The following RPGRIP1 variants were observed in gnomAD, a reference collection of about 807,000 sequenced individuals.
RPGRIP1 encodes X-linked retinitis pigmentosa GTPase regulator-interacting protein 1.
In RPGRIP1, 128 loss-of-function variants were observed where a neutral mutation model predicts 157.9. The ratio of observed to expected loss-of-function variants is 0.81; its 90% confidence interval spans 0.70 to 0.94. The LOEUF (loss-of-function observed/expected upper bound fraction) is 0.94, where lower values mean the gene tolerates loss of function less well. RPGRIP1 is among the 40% of genes least tolerant of loss of function. The pLI, the probability that RPGRIP1 is intolerant of heterozygous loss-of-function variation, is 0.00. For missense variants in RPGRIP1, 1,486 were observed against 1,545.8 expected (o/e 0.96, Z 0.65); for synonymous variants, 554 against 571.6 (o/e 0.97, Z 0.44).
chr14:21,321,855 AGGAACTGGAG>A lies in RPGRIP1; in HGVS notation c.1615_1624del (p.Glu539GlnfsTer2), dbSNP rs1420750126. On this transcript the variant is annotated frameshift_variant and splice_region_variant, in exon 14 of 25. Coordinates refer to ENST00000400017, the MANE Select transcript of RPGRIP1 (RefSeq NM_020366.4). LOFTEE classifies it high-confidence loss of function. ...AGTTCAGACATTATTTTGTTTCAGG[AGGAACTGGAG>A]GCAATGATGACAAAAGCTGACAATG... 1.4e-5 allele frequency: 22 copies of A among 1,609,648 alleles called. No individual in the cohort carries two copies. The highest frequency in any genetic ancestry group is 9.3e-6 in the Non-Finnish European group (11 of 1,178,600).
intron 3 of RPGRIP1, among the ~76,000 whole-genome samples, chr14:21,299,440 C>T (rs1224434136): frequency 6.6e-6 from 1 of 151,936 alleles, no homozygotes; most frequent in Non-Finnish European, 1.5e-5. Flanking sequence ...AATGGTTAAT[C>T]TGGATTCTAT....
intron 3 of RPGRIP1, among the ~76,000 whole-genome samples, chr14:21,295,943 T>G (rs1272160822): frequency 2.6e-5 from 4 of 151,366 alleles, no homozygotes; most frequent in African/African-American, 9.7e-5. Flanking sequence ...AGTAATTTTT[T>G]TTGTTGTTTT....
At chr14:21,320,275 A>C in intron 12 of RPGRIP1, 98 bp downstream of exon 12, 1 of 1,152,840 alleles carries the variant, frequency 8.7e-7, no homozygotes, top group Non-Finnish European at 1.2e-6. Flanking sequence ...ACTAAATAAT[A>C]TTTTGTCCTG....
At chr14:21,348,653 T>C (rs1307553156) in intron 24 of RPGRIP1, among the ~76,000 whole-genome samples, 2 of 148,438 alleles carry the variant, frequency 1.3e-5, no homozygotes, top group Non-Finnish European at 1.5e-5. Context: ...TATGTTATCA[T>C]GCATCCAGTC....
intron 6 of RPGRIP1, among the ~76,000 whole-genome samples, chr14:21,304,630 G>A (rs1881218367): frequency 6.6e-6 from 1 of 151,942 alleles, no homozygotes; most frequent in African/African-American, 2.4e-5. Flanking sequence ...AAATTAAGCA[G>A]GAAATAGAGT....
intron 12 of RPGRIP1, among the ~76,000 whole-genome samples, chr14:21,320,665 T>C (rs1304254605): frequency 6.8e-6 from 1 of 146,772 alleles, no homozygotes; most frequent in African/African-American, 2.6e-5. Context: ...AATGGCGCGA[T>C]CTCGGCTCAC....
At chr14:21,310,975 A>G in intron 8 of RPGRIP1, 3 of 516,798 alleles carry the variant, frequency 5.8e-6, no homozygotes, top group South Asian at 4.3e-5. Context: ...GGTCTTAAAT[A>G]TTTGGCCCTA....
At chr14:21,309,304 G>T (rs1881448543) in intron 7 of RPGRIP1, among the ~76,000 whole-genome samples, 2 of 152,044 alleles carry the variant, frequency 1.3e-5, no homozygotes. Flanking sequence ...TTGAGCTCAG[G>T]AATTCGAGAC....
Position 21,301,207 on chromosome 14 carries a change from G to A in RPGRIP1, c.460G>A (p.Gly154Ser). Residue 154 changes from glycine (G) to serine (S), a missense_variant, in exon 4 of 25, where the codon GGT becomes AGT. Gly to Ser is a moderately conservative substitution (Grantham distance 56). Coordinates refer to ENST00000400017, the MANE Select transcript of RPGRIP1 (RefSeq NM_020366.4). The stretch of plus-strand genomic sequence containing the variant: ...GGGACACAGACAGCTCCACACAGCC[G>A]GTGCACCGGTGCCGGAGAAACCCAA... ...QVGHRQLHTA[G>S]APVPEKPKRG... The A allele has an allele frequency of 6.3e-7, 1 of 1,591,918 alleles. No individual in the cohort carries two copies. The highest frequency in any genetic ancestry group is 8.5e-7 in the Non-Finnish European group (1 of 1,170,182).
At chr14:21,301,356 C>T (rs760617331) in intron 4 of RPGRIP1, 119 bp downstream of exon 4, 3 of 1,088,100 alleles carry the variant, frequency 2.8e-6, no homozygotes, top group Non-Finnish European at 4.0e-6. Flanking sequence ...TTTGTTCTCA[C>T]TCCCTCCTTT....
rs1345788121 is a variant in RPGRIP1 at position 21,317,740 on chromosome 14, A to G, written c.1196A>G (p.Asn399Ser). The change falls in exon 11 of 25, where the codon AAC becomes AGC. Residue 399 changes from asparagine to serine, a missense_variant. By Grantham distance (46) the Asn-to-Ser change is conservative. Coordinates refer to ENST00000400017, the MANE Select transcript of RPGRIP1 (RefSeq NM_020366.4). Reference protein sequence around the residue: ...SDSSSQPHWSNELIAEQLQQQ... With the variant: ...SDSSSQPHWSSELIAEQLQQQ... ...AGCTCCAGTCAGCCCCACTGGAGCAACGAGCTCATAGCGGAACAGCTACAG... is the reference window on the plus strand; with the variant it reads ...AGCTCCAGTCAGCCCCACTGGAGCAGCGAGCTCATAGCGGAACAGCTACAG... 6.3e-7 allele frequency: 1 copy of G among 1,591,302 alleles called. No individual in the cohort carries two copies. The highest frequency in any genetic ancestry group is 8.6e-7 in the Non-Finnish European group (1 of 1,168,886).
intron 5 of RPGRIP1, chr14:21,302,841 C>A: frequency 4.4e-6 from 1 of 228,334 alleles, no homozygotes; most frequent in Non-Finnish European, 8.3e-6. Flanking sequence ...TATTTTTTTC[C>A]TTAGGTCATA....
chr14:21,302,683 C>T, intron 5 of RPGRIP1, 99 bp downstream of exon 5: 1 of 747,472 alleles, frequency 1.3e-6, no homozygotes, highest in Non-Finnish European at 2.1e-6. Context: ...TGAGTCTTTT[C>T]AGCATGATCA....
In RPGRIP1 at chr14:21,315,833, C is replaced by G. The variant is rs371015922; in HGVS notation, c.1152-1863C>G. ...TTTTTTTTTGAGGCAGAGTCTCACT[C>G]TGTTGCCCAGGGTAGAGTGCACTGG... On this transcript the variant is annotated intron_variant, in intron 10 of 24. Coordinates refer to ENST00000400017, the MANE Select transcript of RPGRIP1 (RefSeq NM_020366.4). Among the ~76,000 whole-genome samples the G allele has an allele frequency of 1.1e-4, 16 of 150,890 alleles. No homozygotes were observed. In the East Asian group the frequency reaches 2.3e-3, roughly 22 times the overall value.
chr14:21,345,796 C>T (rs1885506135), intron 23 of RPGRIP1, among the ~76,000 whole-genome samples: 1 of 151,518 alleles, frequency 6.6e-6, no homozygotes, highest in Admixed American at 6.6e-5. Context: ...TTGACAATGC[C>T]CAAATGGAAT....
At chr14:21,304,086 G>A (rs1881168007) in intron 6 of RPGRIP1, among the ~76,000 whole-genome samples, 2 of 151,954 alleles carry the variant, frequency 1.3e-5, no homozygotes, top group African/African-American at 4.8e-5. Context: ...GCCAAGGCAG[G>A]TGGATCACCT....
intron 21 of RPGRIP1, among the ~76,000 whole-genome samples, chr14:21,337,051 G>T (rs1884435253): frequency 6.6e-6 from 1 of 152,116 alleles, no homozygotes; most frequent in Non-Finnish European, 1.5e-5. Context: ...AAATGTCCAG[G>T]CATGAAAGGT....
intron 7 of RPGRIP1, among the ~76,000 whole-genome samples, chr14:21,309,182 T>C (rs1296871152): frequency 6.6e-6 from 1 of 152,170 alleles, no homozygotes; most frequent in Non-Finnish European, 1.5e-5. Context: ...CTGCCTAAAA[T>C]TATTTTTAAT....
Position 21,337,685 on chromosome 14 carries a change from A to G in RPGRIP1, c.3339+2980A>G, listed in dbSNP as rs113300959. On this transcript the variant is annotated intron_variant, in intron 21 of 24. Coordinates refer to ENST00000400017, the MANE Select transcript of RPGRIP1 (RefSeq NM_020366.4). ...TCAAACTCCTGACCTCAGGTGATCC[A>G]CCCACCTCGGCCTCCCAAAGTGCTG... Among the ~76,000 whole-genome samples, 15 of 143,124 alleles carry G rather than the reference A, an allele frequency of 1.0e-4. No homozygotes were observed. In the East Asian group the frequency reaches 2.3e-3, roughly 22 times the overall value. 93.9% of individuals were successfully genotyped at this position (143,124 alleles called of 152,430 possible).
Sources: allele counts gnomAD v4.1 joint callset (sites outside exome capture counted in the v4.1 genomes callset), GRCh38; gene constraint gnomAD v4.1.1; transcripts MANE v1.5; gene names NCBI Gene and HGNC (gene_info 2026-07-23, HGNC 2026-07-21).